The following CD96 variants were observed in gnomAD, a reference collection of about 807,000 sequenced individuals.
CD96 encodes CD96 molecule, also known as T-cell surface protein tactile.
CD96 carries 70 observed loss-of-function variants against 71.3 expected under a neutral mutation model. That is an observed-to-expected ratio of 0.98 (90% CI 0.81 to 1.20). The LOEUF (loss-of-function observed/expected upper bound fraction) is 1.20, where lower values mean the gene tolerates loss of function less well. Ranked by LOEUF, CD96 falls within the 50% of genes most tolerant of loss-of-function variation. The pLI is 0.00. For missense variants in CD96, 742 were observed against 677.5 expected (o/e 1.10, Z -1.06); for synonymous variants, 248 against 233.0 (o/e 1.06, Z -0.59).
intron 12 of CD96, among the ~76,000 whole-genome samples, chr3:111,638,815 G>A (rs745850196): frequency 1.1e-4 from 16 of 152,138 alleles, no homozygotes; most frequent in African/African-American, 1.9e-4. Flanking sequence ...TCTTGCACAC[G>A]TCGTGGCAAT....
chr3:111,576,486 C>T (rs1362086373), intron 3 of CD96, among the ~76,000 whole-genome samples: 1 of 152,166 alleles, frequency 6.6e-6, no homozygotes, highest in African/African-American at 2.4e-5. Flanking sequence ...AAATTTCTCA[C>T]TGTAGATACT....
intron 14 of CD96, among the ~76,000 whole-genome samples, chr3:111,659,201 T>C (rs1433948451): frequency 1.3e-5 from 2 of 152,220 alleles, no homozygotes; most frequent in Non-Finnish European, 2.9e-5. Context: ...GAGGATCTTT[T>C]GTATTTACGT....
intron 4 of CD96, among the ~76,000 whole-genome samples, chr3:111,580,892 T>C (rs1364442681): frequency 1.3e-5 from 2 of 152,210 alleles, no homozygotes; most frequent in African/African-American, 4.8e-5. Context: ...TGGTCTATTG[T>C]CAAACCAATG....
Position 111,542,320 on chromosome 3 carries a change from C to T in CD96, c.61+11C>T. The T allele has an allele frequency of 1.2e-6, 2 of 1,610,108 alleles. No homozygotes were observed. Among genetic ancestry groups the T allele is most frequent in the Non-Finnish European group, 1.7e-6 (2 of 1,176,396 alleles). On this transcript the variant is annotated intron_variant, in intron 1 of 13. Transcript: ENST00000352690. ...TACATTTTGTCAAGGGTAAGACTTC[C>T]AGTTGTCCCTTCTTGTCGGATGGGC...
Position 111,603,313 on chromosome 3 carries a change from G to A in CD96, c.1087+2399G>A, listed in dbSNP as rs541773870. Among the ~76,000 whole-genome samples, 30 of 152,070 alleles carry A rather than the reference G, an allele frequency of 2.0e-4. No homozygotes were observed. In the East Asian group the frequency reaches 4.3e-3, roughly 22 times the overall value. ...CAAAAAATCAGCCGGGCATGGTGGC[G>A]CACATCATTAGTCCCTGTTACCTCG... On this transcript the variant is annotated intron_variant, in intron 7 of 13. Coordinates refer to ENST00000352690, the MANE Select transcript of CD96 (RefSeq NM_005816.5).
intron 2 of CD96, 144 bp from the exon 3 acceptor site, chr3:111,567,379 C>T (rs920740497): frequency 2.9e-5 from 19 of 663,834 alleles, no homozygotes; most frequent in South Asian, 1.5e-4. Flanking sequence ...TGAGGGCTAT[C>T]GTGGGAGTTT....
intron 8 of CD96, among the ~76,000 whole-genome samples, chr3:111,614,103 T>C (rs1209304869): frequency 6.6e-6 from 1 of 152,232 alleles, no homozygotes. Context: ...CCTGTGTCAA[T>C]AATTAAAAAC....
At chr3:111,564,162 A>C (rs937455227) in intron 2 of CD96, among the ~76,000 whole-genome samples, 41 of 152,106 alleles carry the variant, frequency 2.7e-4, no homozygotes, top group Non-Finnish European at 1.5e-5. Context: ...TTTAATGTGC[A>C]GTTTCTAGTC....
At chr3:111,549,272 A>G (rs899754112) in intron 2 of CD96, among the ~76,000 whole-genome samples, 8 of 151,864 alleles carry the variant, frequency 5.3e-5, no homozygotes, top group Non-Finnish European at 1.0e-4. Context: ...CAAAGGTTCT[A>G]TGGGGGAAGG....
chr3:111,618,041 G>C (rs533171355), intron 8 of CD96, among the ~76,000 whole-genome samples: 1 of 152,228 alleles, frequency 6.6e-6, no homozygotes, highest in Non-Finnish European at 1.5e-5. Context: ...ACACAGAGTC[G>C]GCACCCATGC....
chr3:111,645,011 A>C (rs1170048577), intron 12 of CD96, among the ~76,000 whole-genome samples: 3 of 152,168 alleles, frequency 2.0e-5, no homozygotes, highest in Non-Finnish European at 4.4e-5. Context: ...CCACTACTGG[A>C]TATCTGCCCA....
rs531317596 is a variant in CD96 at position 111,551,420 on chromosome 3, G to A, written c.418+6018G>A. ...CATAAAAACATTTTCAAAGAAAAAC[G>A]GAGTGTGATTGGGAGATTACAGCAG... On this transcript the variant is annotated intron_variant, in intron 2 of 13. Coordinates refer to ENST00000352690, the MANE Select transcript of CD96 (RefSeq NM_005816.5). 3.3e-5 allele frequency among the ~76,000 whole-genome samples: 5 copies of A among 152,236 alleles called. No homozygotes were observed. The South Asian group carries it at 6.2e-4, about 19-fold the overall frequency.
At chr3:111,571,008 A>G in intron 3 of CD96, 2 of 1,455,988 alleles carry the variant, frequency 1.4e-6, no homozygotes, top group Non-Finnish European at 1.9e-6. Flanking sequence ...CTGCTCCTCC[A>G]GCTTCTCTTT....
chr3:111,627,362 T>C (rs1188796082), intron 10 of CD96, among the ~76,000 whole-genome samples: 6 of 152,156 alleles, frequency 3.9e-5, no homozygotes, highest in Non-Finnish European at 7.3e-5. Flanking sequence ...ACAACACAGT[T>C]CCCCAGCACA....
At chr3:111,634,350 T>A (rs1204502048) in intron 10 of CD96, 1 of 152,200 alleles carries the variant, frequency 6.6e-6, no homozygotes, top group African/African-American at 2.4e-5. Flanking sequence ...GAATCTGATG[T>A]TATGCTCAAG....
intron 2 of CD96, among the ~76,000 whole-genome samples, chr3:111,562,001 C>T (rs1278924172): frequency 6.6e-6 from 1 of 152,094 alleles, no homozygotes; most frequent in East Asian, 1.9e-4. Context: ...CTTTCTTTGA[C>T]TCGGAAAGGG....
intron 2 of CD96, among the ~76,000 whole-genome samples, chr3:111,553,889 T>C (rs1210358275): frequency 6.6e-6 from 1 of 152,034 alleles, no homozygotes; most frequent in Non-Finnish European, 1.5e-5. Context: ...TCCTTTGTTA[T>C]ATAAGTTGCA....
chr3:111,618,582 CTTT>C (rs35004472), intron 8 of CD96, among the ~76,000 whole-genome samples: 8 of 123,932 alleles, frequency 6.5e-5, no homozygotes, highest in Admixed American at 1.6e-4. Flanking sequence ...TTATTTCTCT[CTTT>C]TTTTTTTTTT....
intron 5 of CD96, chr3:111,594,062 G>T (rs780504281): frequency 6.2e-7 from 1 of 1,614,122 alleles, no homozygotes; most frequent in South Asian, 1.1e-5. Context: ...CTTGTTGTGG[G>T]GCATTGGAGT....
Sources: allele counts gnomAD v4.1 joint callset (sites outside exome capture counted in the v4.1 genomes callset), GRCh38; gene constraint gnomAD v4.1.1; transcripts MANE v1.5; gene names NCBI Gene and HGNC (gene_info 2026-07-23, HGNC 2026-07-21).